The following HPCAL1 variants were observed in gnomAD, a reference collection of about 807,000 sequenced individuals.
HPCAL1 encodes the protein hippocalcin like 1.
A neutral mutation model predicts 17.1 loss-of-function variants in HPCAL1; 8 were observed. That is an observed-to-expected ratio of 0.47 (90% CI 0.27 to 0.84). The LOEUF is 0.84. Ranked by LOEUF, HPCAL1 falls within the 40% of genes least tolerant of loss-of-function variation. The pLI is 0.13. For synonymous variants in HPCAL1, 112 were observed against 111.4 expected, an observed-to-expected ratio of 1.01 and a Z score of -0.03; for missense variants, 165 against 271.1, an observed-to-expected ratio of 0.61 and a Z score of 2.75.
In HPCAL1 at chr2:10,362,449, AC is replaced by A. The variant is rs1344979474; in HGVS notation, c.-110-34380del. Among the ~76,000 whole-genome samples the A allele has an allele frequency of 6.6e-6, 1 of 151,616 alleles. No homozygotes were observed. The highest frequency in any genetic ancestry group is 1.9e-4 in the East Asian group (1 of 5,174). On this transcript the variant is annotated intron_variant, in intron 1 of 4. Transcript: ENST00000307845. This position sits in a 1 kb window ranked among gnomAD's most constrained non-coding sequence, Gnocchi z 5.0. Reference sequence around the variant, plus strand: ...CTCCATGTCCTACTCCTGTGGATAGACCCCCCGGAATGCAGGGGGCCGGGCT... The same window carrying A: ...CTCCATGTCCTACTCCTGTGGATAGACCCCCGGAATGCAGGGGGCCGGGCT...
chr2:10,381,193 A>T (rs534556506), intron 1 of HPCAL1, among the ~76,000 whole-genome samples: 1 of 152,236 alleles, frequency 6.6e-6, no homozygotes, highest in African/African-American at 2.4e-5. Flanking sequence ...AGATGCATGT[A>T]TCTGTGAAAT....
chr2:10,417,363 C>CAAA (rs956480768), intron 2 of HPCAL1, among the ~76,000 whole-genome samples: 3 of 140,782 alleles, frequency 2.1e-5, no homozygotes, highest in South Asian at 2.3e-4. Flanking sequence ...AACTCCCTCT[C>CAAA]AAAAAAAAAC....
intron 1 of HPCAL1, among the ~76,000 whole-genome samples, chr2:10,338,036 G>A (rs1031865503): frequency 4.1e-4 from 62 of 152,228 alleles, no homozygotes; most frequent in Non-Finnish European, 8.8e-5. Context: ...CTGCAGAGAG[G>A]TGGCTGTTTA....
At chr2:10,357,161 G>T (rs190806360) in intron 1 of HPCAL1, among the ~76,000 whole-genome samples, 1 of 152,100 alleles carries the variant, frequency 6.6e-6, no homozygotes. Context: ...GGAGCCTTCC[G>T]TTCCTCCTCA....
rs920851042 is a variant in HPCAL1, at chr2:10,344,294, G to C, written c.-111+41117G>C. Among the ~76,000 whole-genome samples, 2 of 152,172 alleles carry C rather than the reference G, an allele frequency of 1.3e-5. No individual in the cohort carries two copies. The highest frequency in any genetic ancestry group is 4.8e-5 in the African/African-American group (2 of 41,422). ...GGGGTGTGCAGCAGCCCTGAGCCAA[G>C]GATTAATTACGTAACAAGCCCAGAT... On this transcript the variant is annotated intron_variant, in intron 1 of 4. Transcript: ENST00000307845. This position sits in a 1 kb window ranked among gnomAD's most constrained non-coding sequence, Gnocchi z 4.9.
At chr2:10,305,858 G>A (rs1185639926) in intron 1 of HPCAL1, among the ~76,000 whole-genome samples, 1 of 152,158 alleles carries the variant, frequency 6.6e-6, no homozygotes, top group Non-Finnish European at 1.5e-5. Flanking sequence ...CCAGCCAGGC[G>A]CCCCATACTC....
intron 1 of HPCAL1, among the ~76,000 whole-genome samples, chr2:10,305,205 C>G (rs1482519219): frequency 6.6e-6 from 1 of 151,956 alleles, no homozygotes; most frequent in African/African-American, 2.4e-5. Flanking sequence ...CTACTCTTTC[C>G]TCATAATCAG....
intron 2 of HPCAL1, among the ~76,000 whole-genome samples, chr2:10,415,749 C>T (rs1168462365): frequency 6.6e-6 from 1 of 152,180 alleles, no homozygotes; most frequent in Non-Finnish European, 1.5e-5. Context: ...TTGACCACCT[C>T]CCCAAGGTCC....
At chr2:10,328,793 C>T (rs1177460351) in intron 1 of HPCAL1, among the ~76,000 whole-genome samples, 2 of 152,056 alleles carry the variant, frequency 1.3e-5, no homozygotes, top group African/African-American at 4.8e-5. Flanking sequence ...CTGAAGAACC[C>T]TGACTAATAC....
At chr2:10,415,489 C>G (rs912103717) in intron 2 of HPCAL1, among the ~76,000 whole-genome samples, 1 of 152,232 alleles carries the variant, frequency 6.6e-6, no homozygotes, top group Non-Finnish European at 1.5e-5. Context: ...CAGATCCATG[C>G]CCCGCCTATG....
At chr2:10,328,094 G>A (rs944514616) in intron 1 of HPCAL1, among the ~76,000 whole-genome samples, 5 of 152,208 alleles carry the variant, frequency 3.3e-5, no homozygotes, top group African/African-American at 9.7e-5. Flanking sequence ...CAGCCAAGGG[G>A]GACAGTGGCA....
At chr2:10,398,402 C>T (rs1199960241) in intron 2 of HPCAL1, among the ~76,000 whole-genome samples, 1 of 152,248 alleles carries the variant, frequency 6.6e-6, no homozygotes, top group African/African-American at 2.4e-5. Context: ...CAGAAGGAAC[C>T]ACCTTTGAAT....
At chr2:10,369,765 A>G (rs1171990321) in intron 1 of HPCAL1, among the ~76,000 whole-genome samples, 1 of 152,214 alleles carries the variant, frequency 6.6e-6, no homozygotes, top group Non-Finnish European at 1.5e-5. Flanking sequence ...TCAAATAATA[A>G]TGAATATGCC....
At chr2:10,385,972 GA>G (rs1171069001) in intron 1 of HPCAL1, among the ~76,000 whole-genome samples, 1 of 152,178 alleles carries the variant, frequency 6.6e-6, no homozygotes, top group Non-Finnish European at 1.5e-5. Context: ...TCTGGCCACT[GA>G]GCATGTGCTG....
intron 1 of HPCAL1, among the ~76,000 whole-genome samples, chr2:10,339,238 C>T (rs191717647): frequency 7.4e-4 from 113 of 152,244 alleles, no homozygotes; most frequent in Admixed American, 2.4e-3. Context: ...CTGCAACCTC[C>T]ACCTCCCGGG....
At chr2:10,307,007 C>A (rs78465269) in intron 1 of HPCAL1, among the ~76,000 whole-genome samples, 5,578 of 152,230 alleles carry the variant, frequency 0.037, 138 homozygotes, top group East Asian at 0.11. Context: ...TGCTTCTAAT[C>A]CCGCAGCTGG....
At chr2:10,346,348 G>C (rs1665449173) in intron 1 of HPCAL1, among the ~76,000 whole-genome samples, 1 of 152,202 alleles carries the variant, frequency 6.6e-6, no homozygotes, top group Non-Finnish European at 1.5e-5. Flanking sequence ...GGATGGAATG[G>C]GACTGACCCC....
chr2:10,405,256 C>T (rs1021803548), intron 2 of HPCAL1, among the ~76,000 whole-genome samples: 3 of 152,240 alleles, frequency 2.0e-5, no homozygotes, highest in African/African-American at 7.2e-5. Flanking sequence ...CATATACACA[C>T]CCTCATCCTG....
intron 1 of HPCAL1, among the ~76,000 whole-genome samples, chr2:10,380,595 G>T (rs1667878742): frequency 6.6e-6 from 1 of 152,142 alleles, no homozygotes; most frequent in Non-Finnish European, 1.5e-5. Flanking sequence ...CTTCTGTCTG[G>T]GTGTAGCTTC....
Sources: allele counts gnomAD v4.1 joint callset (sites outside exome capture counted in the v4.1 genomes callset), GRCh38; gene constraint gnomAD v4.1.1; non-coding constraint Gnocchi (gnomAD v3.1); transcripts MANE v1.5; gene names NCBI Gene and HGNC (gene_info 2026-07-23, HGNC 2026-07-21).